The following ARHGAP22 variants were observed in gnomAD, a reference collection of about 807,000 sequenced individuals.
ARHGAP22 encodes Rho GTPase activating protein 22.
ARHGAP22 carries 48 observed loss-of-function variants against 59.1 expected under a neutral mutation model. That is an observed-to-expected ratio of 0.81 (90% CI 0.64 to 1.03). The LOEUF (loss-of-function observed/expected upper bound fraction) is 1.03. Ranked by LOEUF, ARHGAP22 falls within the 50% of genes least tolerant of loss-of-function variation. ARHGAP22 has a pLI of 0.00. For synonymous variants in ARHGAP22, 445 were observed against 416.4 expected, an observed-to-expected ratio of 1.07 and a Z score of -0.84; for missense variants, 1,015 against 958.7, an observed-to-expected ratio of 1.06 and a Z score of -0.78.
upstream of ARHGAP22, among the ~76,000 whole-genome samples, chr10:48,653,775 T>C (rs1589348521): frequency 1.3e-5 from 2 of 152,348 alleles, no homozygotes; most frequent in Non-Finnish European, 2.9e-5. Flanking sequence ...CAGGGGGCTT[T>C]GGAACTAAAA....
At chr10:48,652,304 T>G in exon 1 of ARHGAP22, 1 of 1,535,338 alleles carries the variant, frequency 6.5e-7, no homozygotes, top group Non-Finnish European at 8.7e-7. Flanking sequence ...TGGCAGTCTG[T>G]GCAAATTTCT....
At chr10:48,603,426 A>G (rs909503104) in intron 1 of ARHGAP22, among the ~76,000 whole-genome samples, 2 of 152,254 alleles carry the variant, frequency 1.3e-5, no homozygotes, top group African/African-American at 2.4e-5. Context: ...AATATATCCA[A>G]AATACTGTCA....
chr10:48,585,083 G>A (rs1000579729), intron 1 of ARHGAP22, among the ~76,000 whole-genome samples: 10 of 152,248 alleles, frequency 6.6e-5, no homozygotes, highest in Admixed American at 5.2e-4. Flanking sequence ...AGTGTTGAGA[G>A]AGAAGCTGAG....
At chr10:48,619,244 A>C (rs1328202636) in intron 1 of ARHGAP22, among the ~76,000 whole-genome samples, 1 of 152,190 alleles carries the variant, frequency 6.6e-6, no homozygotes, top group African/African-American at 2.4e-5. Context: ...TGAAATAATT[A>C]ATATTGTGAA....
intron 2 of ARHGAP22, among the ~76,000 whole-genome samples, chr10:48,573,392 A>C (rs61838375): frequency 0.26 from 39,217 of 152,076 alleles, 5,537 homozygotes; most frequent in African/African-American, 0.36. Context: ...TGGTTACTCA[A>C]GAGAAATCTG....
At chr10:48,442,583 C>G (rs2045228474), downstream of ARHGAP22, among the ~76,000 whole-genome samples, 1 of 152,204 alleles carries the variant, frequency 6.6e-6, no homozygotes, top group South Asian at 2.1e-4. Flanking sequence ...ACCAATGAAC[C>G]CACGTGCTGA....
intron 1 of ARHGAP22, among the ~76,000 whole-genome samples, chr10:48,623,786 C>T (rs1220022935): frequency 6.6e-6 from 1 of 152,220 alleles, no homozygotes; most frequent in Non-Finnish European, 1.5e-5. Context: ...TTTTGGGGAG[C>T]ACATCCTGAA....
intron 6 of ARHGAP22, 118 bp downstream of exon 6, chr10:48,454,884 G>A: frequency 7.8e-7 from 1 of 1,282,620 alleles, no homozygotes; most frequent in Non-Finnish European, 1.0e-6. Context: ...AACACAGCAG[G>A]CCTCCACAGG....
At chr10:48,459,561 G>A (rs1321611548) in intron 5 of ARHGAP22, 123 bp downstream of exon 5, 2 of 1,134,986 alleles carry the variant, frequency 1.8e-6, no homozygotes, top group African/African-American at 3.0e-5. Context: ...CTGCCCACTA[G>A]GAGGGCTGGC....
At chr10:48,438,548 A>G in the ARHGAP22 span, 1 of 152,182 alleles carries the variant, frequency 6.6e-6, no homozygotes, top group East Asian at 1.9e-4. Context: ...GAAACTTTTG[A>G]GAAATATTAC....
intron 1 of ARHGAP22, among the ~76,000 whole-genome samples, chr10:48,637,679 G>A (rs2061878050): frequency 6.6e-6 from 1 of 152,082 alleles, no homozygotes; most frequent in African/African-American, 2.4e-5. Context: ...ATGAGTGGAT[G>A]GGTGGATGGA....
rs756787635 is a variant in ARHGAP22 at position 48,450,323 on chromosome 10, C to T, written c.1806G>A (p.Leu602=). 3 of 1,605,618 alleles carry T rather than the reference C, an allele frequency of 1.9e-6. No homozygotes were observed. The highest frequency in any genetic ancestry group is 1.7e-6 in the Non-Finnish European group (2 of 1,176,668). The change falls in exon 9 of 10, where the codon CTG becomes CTA. Residue 602 remains leucine (L), a synonymous_variant. Transcript: ENST00000249601. The part of the protein sequence containing the change: ...HARRSEALQG[L]VTELRAELCR... ...ACAGCTCGGCCCTGAGCTCAGTGACCAGCCCCTGTAAGGCCTCGGAGCGGC... is the reference window on the plus strand; with the variant it reads ...ACAGCTCGGCCCTGAGCTCAGTGACTAGCCCCTGTAAGGCCTCGGAGCGGC...
intron 3 of ARHGAP22, among the ~76,000 whole-genome samples, chr10:48,491,650 C>T (rs1564756860): frequency 6.6e-6 from 1 of 152,236 alleles, no homozygotes; most frequent in Non-Finnish European, 1.5e-5. Context: ...TTAGTGAGGG[C>T]GGCAGCGGCA....
chr10:48,464,729 G>A (rs1322390316), intron 4 of ARHGAP22, among the ~76,000 whole-genome samples: 2 of 152,176 alleles, frequency 1.3e-5, no homozygotes, highest in Admixed American at 6.5e-5. Context: ...CCACTGAGGA[G>A]AGGAGCTGCC....
chr10:48,447,880 T>C (rs1170608515), intron 9 of ARHGAP22, among the ~76,000 whole-genome samples: 12 of 152,142 alleles, frequency 7.9e-5, no homozygotes, highest in Admixed American at 7.8e-4. Flanking sequence ...TCTGATCAGT[T>C]AGCAAAACCT....
intron 3 of ARHGAP22, among the ~76,000 whole-genome samples, chr10:48,519,530 G>GTC (rs1441402935): frequency 2.0e-5 from 3 of 152,230 alleles, no homozygotes; most frequent in African/African-American, 7.2e-5. Context: ...ATGGTTTCCT[G>GTC]TCTCTGCCCA....
chr10:48,440,509 G>A, the ARHGAP22 span, among the ~76,000 whole-genome samples: 7 of 152,160 alleles, frequency 4.6e-5, no homozygotes, highest in Non-Finnish European at 8.8e-5. Flanking sequence ...ACTGTGTTTT[G>A]ACCCTTGGCA....
chr10:48,531,287 C>T (rs960031993), intron 3 of ARHGAP22, among the ~76,000 whole-genome samples: 1 of 152,068 alleles, frequency 6.6e-6, no homozygotes, highest in African/African-American at 2.4e-5. Context: ...TGGCAGGAGG[C>T]TGAGGGATAA....
chr10:48,492,228 C>T (rs1331854786), intron 3 of ARHGAP22, among the ~76,000 whole-genome samples: 1 of 152,168 alleles, frequency 6.6e-6, no homozygotes, highest in African/African-American at 2.4e-5. Context: ...TCTGACTTAA[C>T]CCTTCTTTAC....
Sources: allele counts gnomAD v4.1 joint callset (sites outside exome capture counted in the v4.1 genomes callset), GRCh38; gene constraint gnomAD v4.1.1; transcripts MANE v1.5; gene names NCBI Gene and HGNC (gene_info 2026-07-23, HGNC 2026-07-21).